Variants in COL11A1 observed in about 807,000 individuals in gnomAD.
The protein encoded by COL11A1 is collagen alpha-1(XI) chain.
A neutral mutation model predicts 265.2 loss-of-function variants in COL11A1; 74 were observed. The ratio of observed to expected loss-of-function variants is 0.28; its 90% confidence interval spans 0.23 to 0.34. COL11A1 has a LOEUF of 0.34. Ranked by LOEUF, COL11A1 falls within the 10% of genes least tolerant of loss-of-function variation. The pLI, the probability that COL11A1 is intolerant of heterozygous loss-of-function variation, is 1.00. For missense variants in COL11A1, 2,165 were observed against 2,263.6 expected, an observed-to-expected ratio of 0.96 and a Z score of 0.88; for synonymous variants, 816 against 727.6, an observed-to-expected ratio of 1.12 and a Z score of -1.96.
intron 24 of COL11A1, among the ~76,000 whole-genome samples, chr1:102,998,838 T>C (rs536117028): frequency 9.2e-5 from 14 of 152,012 alleles, no homozygotes; most frequent in African/African-American, 3.1e-4. Flanking sequence ...TAGTTATTCA[T>C]AGGAAATGAA....
rs1162829388 is a variant in COL11A1 at position 102,962,725 on chromosome 1, A to G, written c.2952T>C (p.Arg984=). 1 of 1,614,172 alleles carries G rather than the reference A, an allele frequency of 6.2e-7. No homozygotes were observed. Among genetic ancestry groups the G allele is most frequent in the Non-Finnish European group, 8.5e-7 (1 of 1,180,002 alleles). ...GAGGGCCAGGAGGGCCAGGATGCCC[A>G]CGTTCCCCTATTGGACCAGTCTCAC... ...PTGETGPIGE[R]GHPGPPGPPG... is the part of the protein sequence containing the mutation. Residue 984 remains arginine, a synonymous_variant, in exon 39 of 67, where the codon CGT becomes CGC. Transcript: ENST00000370096.
At chr1:102,962,425 A>C (rs1464196543) in intron 39 of COL11A1, among the ~76,000 whole-genome samples, 160 bp from the exon 40 acceptor site, 1 of 152,184 alleles carries the variant, frequency 6.6e-6, no homozygotes, top group Non-Finnish European at 1.5e-5. Flanking sequence ...TGAACTACCC[A>C]CTACCTACAT....
At chr1:103,055,527 G>A (rs78807794) in intron 4 of COL11A1, among the ~76,000 whole-genome samples, 1 of 152,088 alleles carries the variant, frequency 6.6e-6, no homozygotes, top group Non-Finnish European at 1.5e-5. Context: ...AGAAGACAGA[G>A]CAAGGAGGAT....
At chr1:103,101,088 G>C (rs1353791441) in intron 1 of COL11A1, among the ~76,000 whole-genome samples, 1 of 151,876 alleles carries the variant, frequency 6.6e-6, no homozygotes, top group African/African-American at 2.4e-5. Flanking sequence ...GGAAGAGAAT[G>C]AGATAGACAT....
At chr1:102,909,780 C>T (rs1676509) in intron 54 of COL11A1, among the ~76,000 whole-genome samples, 142,623 of 152,096 alleles carry the variant, frequency 0.94, 66,910 homozygotes, top group East Asian at 1. Context: ...GAATTTTCTA[C>T]GATATTTTCT....
chr1:103,102,595 G>T (rs1486703500), intron 1 of COL11A1, among the ~76,000 whole-genome samples: 2 of 151,900 alleles, frequency 1.3e-5, no homozygotes, highest in African/African-American at 4.8e-5. Flanking sequence ...TAATGATCAC[G>T]CCATCCATGC....
At position 102,933,950 on chromosome 1, in the gene COL11A1, G is replaced by A. The variant is rs151058078; in HGVS notation, c.3600+499C>T. On this transcript the variant is annotated intron_variant, in intron 46 of 66. Coordinates refer to ENST00000370096, the MANE Select transcript of COL11A1 (RefSeq NM_001854.4). ...GCAATGCCTGGCCCTGCTTCGGCTC[G>A]CACACGGTGCGCGCACCCACTGACC... Among the ~76,000 whole-genome samples, 421 of 151,628 alleles carry A rather than the reference G, an allele frequency of 2.8e-3. 4 individuals are homozygous for A. Among genetic ancestry groups the A allele is most frequent in the Non-Finnish European group, 4.1e-3 (278 of 68,008 alleles).
chr1:102,929,261 T>A (rs893434895), intron 46 of COL11A1, among the ~76,000 whole-genome samples: 1 of 151,294 alleles, frequency 6.6e-6, no homozygotes, highest in Admixed American at 6.6e-5. Flanking sequence ...CTTGAATTGA[T>A]TTTTGTATAA....
At chr1:102,896,169 G>T (rs1652398814) in intron 57 of COL11A1, among the ~76,000 whole-genome samples, 1 of 149,818 alleles carries the variant, frequency 6.7e-6, no homozygotes. Flanking sequence ...TCACTGGATA[G>T]AGGCTAGCAA....
chr1:102,961,966 A>T lies in COL11A1; in HGVS notation c.3115-47T>A, dbSNP rs200218551. The T allele has an allele frequency of 2.8e-4, 436 of 1,536,400 alleles. 2 individuals are homozygous for T. The African/African-American group carries it at 5.2e-3, about 18-fold the overall frequency. On this transcript the variant is annotated intron_variant, in intron 40 of 66. Coordinates refer to ENST00000370096, the MANE Select transcript of COL11A1 (RefSeq NM_001854.4). ...AAGAAAATGAATCCATATGAATTGAATACCAATAGGAGGAGATATCTGATT... is the reference window on the plus strand; with the variant it reads ...AAGAAAATGAATCCATATGAATTGATTACCAATAGGAGGAGATATCTGATT...
At chr1:102,987,955 A>T (rs974726461) in intron 29 of COL11A1, among the ~76,000 whole-genome samples, 1 of 152,104 alleles carries the variant, frequency 6.6e-6, no homozygotes, top group Admixed American at 6.6e-5. Flanking sequence ...TCCCCAAACA[A>T]ATCTGCCTTT....
intron 28 of COL11A1, among the ~76,000 whole-genome samples, chr1:102,991,073 G>A (rs1216166487): frequency 6.6e-6 from 1 of 151,918 alleles, no homozygotes; most frequent in Non-Finnish European, 1.5e-5. Context: ...ACTGAAAGTG[G>A]GACATTTGCA....
intron 41 of COL11A1, among the ~76,000 whole-genome samples, chr1:102,960,736 G>C (rs1422588853): frequency 6.8e-6 from 1 of 147,902 alleles, no homozygotes; most frequent in Non-Finnish European, 1.5e-5. Flanking sequence ...TAAAAGGGAG[G>C]CATGAAGGGA....
intron 30 of COL11A1, among the ~76,000 whole-genome samples, chr1:102,987,272 G>A (rs1663663071): frequency 6.6e-6 from 1 of 150,402 alleles, no homozygotes. Context: ...ATATATGTAT[G>A]TATATGAAAG....
intron 46 of COL11A1, among the ~76,000 whole-genome samples, chr1:102,933,506 A>T (rs1199279746): frequency 5.9e-5 from 9 of 152,040 alleles, no homozygotes; most frequent in Non-Finnish European, 7.4e-5. Context: ...GCTTTCAGAC[A>T]GGGACATTTA....
intron 4 of COL11A1, among the ~76,000 whole-genome samples, chr1:103,066,577 A>C (rs983094243): frequency 6.7e-6 from 1 of 150,258 alleles, no homozygotes; most frequent in Non-Finnish European, 1.5e-5. Flanking sequence ...AAAAGACTGG[A>C]GGCAGGAAAG....
At chr1:103,039,253 T>C (rs1010204685) in intron 4 of COL11A1, among the ~76,000 whole-genome samples, 2 of 152,196 alleles carry the variant, frequency 1.3e-5, no homozygotes, top group African/African-American at 4.8e-5. Context: ...CCCTTTGATA[T>C]GACAGTCCGT....
At chr1:102,928,809 T>G (rs1261986863) in intron 46 of COL11A1, among the ~76,000 whole-genome samples, 1 of 143,072 alleles carries the variant, frequency 7.0e-6, no homozygotes, top group Non-Finnish European at 1.5e-5. Context: ...AGATGGTATC[T>G]CATTGTGGTT....
At chr1:103,049,502 T>A (rs1669605850) in intron 4 of COL11A1, among the ~76,000 whole-genome samples, 1 of 152,132 alleles carries the variant, frequency 6.6e-6, no homozygotes, top group African/African-American at 2.4e-5. Context: ...TCTCTGCAGG[T>A]GAGATGGGTT....
Sources: gnomAD v4.1 joint callset for allele counts (sites outside exome capture counted in the v4.1 genomes callset) on GRCh38, gnomAD v4.1.1 for gene constraint, MANE v1.5 for transcripts, NCBI Gene and HGNC (gene_info 2026-07-23, HGNC 2026-07-21) for gene names.